ABCC9: variants seen among roughly 807,000 people sequenced by gnomAD.
The protein encoded by ABCC9 is ATP-binding cassette sub-family C member 9.
ABCC9 carries 95 observed loss-of-function variants against 188.3 expected under a neutral mutation model. That is an observed-to-expected ratio of 0.50 (90% CI 0.43 to 0.60). ABCC9 has a LOEUF of 0.60. Among genes scored for constraint, ABCC9 ranks in the 20% least tolerant of loss-of-function variants. ABCC9 has a pLI of 0.00. For synonymous variants in ABCC9, 659 were observed against 652.7 expected, an observed-to-expected ratio of 1.01 and a Z score of -0.15; for missense variants, 1,102 against 1,876.3, an observed-to-expected ratio of 0.59 and a Z score of 7.62.
intron 30 of ABCC9, among the ~76,000 whole-genome samples, chr12:21,829,444 G>T (rs202004031): frequency 2.6e-5 from 4 of 151,876 alleles, no homozygotes; most frequent in African/African-American, 9.7e-5. Flanking sequence ...CTTGTGATCC[G>T]CCCACCTTGG....
At chr12:21,927,555 A>G (rs1435351814) in intron 4 of ABCC9, among the ~76,000 whole-genome samples, 1 of 152,186 alleles carries the variant, frequency 6.6e-6, no homozygotes, top group Non-Finnish European at 1.5e-5. Flanking sequence ...GGTGATGGCA[A>G]TAGAGAAGTA....
At chr12:21,803,519 GT>G (rs1384418382) in intron 39 of ABCC9, among the ~76,000 whole-genome samples, 1 of 151,922 alleles carries the variant, frequency 6.6e-6, no homozygotes, top group East Asian at 1.9e-4. Flanking sequence ...GCCGGGCATG[GT>G]GGTGCATGCC....
intron 12 of ABCC9, among the ~76,000 whole-genome samples, chr12:21,895,932 T>C (rs1291888272): frequency 1.3e-5 from 2 of 152,120 alleles, no homozygotes; most frequent in African/African-American, 4.8e-5. Flanking sequence ...TGTTTGGAAG[T>C]AACAGTAAAA....
intron 17 of ABCC9, among the ~76,000 whole-genome samples, chr12:21,873,085 A>T (rs926847329): frequency 6.6e-6 from 1 of 151,916 alleles, no homozygotes; most frequent in Non-Finnish European, 1.5e-5. Context: ...TCTCTTCTCC[A>T]ATTTCTATTT....
rs756300282 is a variant in ABCC9, at chr12:21,910,977, A to G, written c.1013T>C (p.Ile338Thr). 2.5e-6 allele frequency: 4 copies of G among 1,611,982 alleles called. No homozygotes were observed. The African/African-American group carries it at 4.0e-5, about 16-fold the overall frequency. ...TTCCTTTGATGAGAGGGTTTCTGAAATCTGGTCCCCAAAGAAAAAAAGTGT... is the reference window on the plus strand; with the variant it reads ...TTCCTTTGATGAGAGGGTTTCTGAAGTCTGGTCCCCAAAGAAAAAAAGTGT... ...TQNGTNNTTG[I>T]SETLSSKEFL... Residue 338 changes from isoleucine (I) to threonine (T), a missense_variant and splice_region_variant, in exon 9 of 40, where the codon ATT becomes ACT. Transcript: ENST00000261200.
chr12:21,917,185 T>C, intron 5 of ABCC9, 82 bp from the exon 6 acceptor site: 1 of 1,433,862 alleles, frequency 7.0e-7, no homozygotes, highest in Non-Finnish European at 9.8e-7. Context: ...TGATGCTTTT[T>C]AATAACAAAG....
chr12:21,815,769 T>C lies in ABCC9; in HGVS notation c.4017A>G (p.Gly1339=). The change falls in exon 34 of 40, where the codon GGA becomes GGG. Residue 1339 remains glycine, a synonymous_variant. Coordinates refer to ENST00000261200, the MANE Select transcript of ABCC9 (RefSeq NM_020297.4). ...AAATGCAGTGATTTCATACCTTTTGTCCAGGTTTGATGTAAGCCTTGACGT... is the reference window on the plus strand; with the variant it reads ...AAATGCAGTGATTTCATACCTTTTGCCCAGGTTTGATGTAAGCCTTGACGT... ...LKHVKAYIKP[G]QKVGICGRTG... The C allele has an allele frequency of 1.9e-6, 3 of 1,612,934 alleles. No homozygotes were observed. The highest frequency in any genetic ancestry group is 1.1e-5 in the South Asian group (1 of 91,074).
chr12:21,916,450 C>T lies in ABCC9; in HGVS notation c.573+487G>A, dbSNP rs555476491. Among the ~76,000 whole-genome samples the T allele has an allele frequency of 2.0e-5, 3 of 152,240 alleles. No individual in the cohort carries two copies. In the East Asian group the frequency reaches 5.8e-4, roughly 29 times the overall value. On this transcript the variant is annotated intron_variant, in intron 6 of 39. Transcript: ENST00000261200. Reference sequence around the variant, plus strand: ...AGTATTAAGTGGTGGAAAGTACAATCAATATGCAATTACAAACCAGGTGTG... The same window carrying T: ...AGTATTAAGTGGTGGAAAGTACAATTAATATGCAATTACAAACCAGGTGTG...
intron 7 of ABCC9, among the ~76,000 whole-genome samples, chr12:21,914,128 CAG>C (rs1361864374): frequency 6.6e-6 from 1 of 152,132 alleles, no homozygotes; most frequent in Non-Finnish European, 1.5e-5. Context: ...TGACACAAAA[CAG>C]AGATTATTTT....
chr12:21,916,313 T>C (rs986358705), intron 6 of ABCC9, among the ~76,000 whole-genome samples: 3 of 152,184 alleles, frequency 2.0e-5, no homozygotes, highest in Admixed American at 2.0e-4. Flanking sequence ...CTGACTACTC[T>C]CCACATGCAT....
rs943788580 is a variant in ABCC9, at chr12:21,800,665, AAT to A, written c.*377_*378del. On this transcript the variant is annotated 3_prime_UTR_variant, in exon 40 of 40. Coordinates refer to ENST00000261200, the MANE Select transcript of ABCC9 (RefSeq NM_020297.4). ...CTCTGGAGACTCCAACAATAAGGAA[AAT>A]ATATTCTTACAAACAAGAGTATAGT... The A allele has an allele frequency of 1.4e-5, 3 of 212,902 alleles. No homozygotes were observed. Among genetic ancestry groups the A allele is most frequent in the African/African-American group, 7.0e-5 (3 of 42,860 alleles). The allele number at this position is 212,902 out of a possible 1,614,324, so 13.2% of individuals were successfully genotyped here.
rs987314080 is a variant in ABCC9, at chr12:21,859,582, T to G, written c.2505+4A>C. Reference sequence around the variant, plus strand: ...AGAAATAAAAGGGAAGGCCATATTCTTACCAAAAAGACAATGTTGGTGTTT... The same window carrying G: ...AGAAATAAAAGGGAAGGCCATATTCGTACCAAAAAGACAATGTTGGTGTTT... On this transcript the variant is annotated splice_donor_region_variant and intron_variant, in intron 22 of 39. Coordinates refer to ENST00000261200, the MANE Select transcript of ABCC9 (RefSeq NM_020297.4). 15 of 1,613,314 alleles carry G rather than the reference T, an allele frequency of 9.3e-6. No homozygotes were observed. The highest frequency in any genetic ancestry group is 1.3e-5 in the African/African-American group (1 of 74,888).
intron 15 of ABCC9, among the ~76,000 whole-genome samples, chr12:21,883,919 G>T (rs1050263267): frequency 6.6e-6 from 1 of 152,024 alleles, no homozygotes; most frequent in African/African-American, 2.4e-5. Context: ...CTAGAAATTT[G>T]TCATTCTCTA....
chr12:21,852,008 G>A (rs541902515), intron 24 of ABCC9, 89 bp downstream of exon 24: 24 of 1,466,384 alleles, frequency 1.6e-5, no homozygotes, highest in Non-Finnish European at 2.0e-5. Flanking sequence ...GTATTAAATG[G>A]TAATTTTTTA....
chr12:21,850,567 A>C (rs1347379666), intron 24 of ABCC9, among the ~76,000 whole-genome samples: 1 of 152,140 alleles, frequency 6.6e-6, no homozygotes, highest in Non-Finnish European at 1.5e-5. Context: ...TTATACAGCT[A>C]TGCTATCTCA....
At chr12:21,859,235 A>G (rs1945382862) in intron 22 of ABCC9, among the ~76,000 whole-genome samples, 2 of 152,156 alleles carry the variant, frequency 1.3e-5, no homozygotes, top group African/African-American at 4.8e-5. Flanking sequence ...TACCAAGAGT[A>G]TATTTTCTGG....
intron 12 of ABCC9, 115 bp downstream of exon 12, chr12:21,906,011 A>G (rs947831159): frequency 4.7e-5 from 56 of 1,200,748 alleles, no homozygotes; most frequent in Admixed American, 7.0e-5. Context: ...TTAGAAAATA[A>G]ATAGGTGTCC....
chr12:21,806,150 C>T, intron 38 of ABCC9, 90 bp from the exon 39 acceptor site: 1 of 1,147,596 alleles, frequency 8.7e-7, no homozygotes. Context: ...CACTGAATCC[C>T]TTGTGAGCAT....
chr12:21,924,347 T>TA (rs969696714), intron 5 of ABCC9: 2 of 152,120 alleles, frequency 1.3e-5, no homozygotes, highest in African/African-American at 4.8e-5. Context: ...AGATATGTGA[T>TA]AAAACAAACA....
Sources: allele counts gnomAD v4.1 joint callset (sites outside exome capture counted in the v4.1 genomes callset), GRCh38; gene constraint gnomAD v4.1.1; transcripts MANE v1.5; gene names NCBI Gene and HGNC (gene_info 2026-07-23, HGNC 2026-07-21).